ALK: variants seen among roughly 807,000 people sequenced by gnomAD.
ALK encodes ALK tyrosine kinase receptor.
In ALK, 74 loss-of-function variants were observed where a neutral mutation model predicts 163.1. The observed-to-expected ratio is 0.45, with a 90% CI of 0.38 to 0.55. ALK has a LOEUF of 0.55. Ranked by LOEUF, ALK falls within the 20% of genes least tolerant of loss-of-function variation. ALK has a pLI of 0.00. For synonymous variants in ALK, 960 were observed against 843.2 expected, an observed-to-expected ratio of 1.14 and a Z score of -2.40; for missense variants, 2,063 against 2,105.3, an observed-to-expected ratio of 0.98 and a Z score of 0.39.
At chr2:29,661,392 A>G (rs17008434) in intron 3 of ALK, among the ~76,000 whole-genome samples, 1,975 of 152,096 alleles carry the variant, frequency 0.013, 39 homozygotes, top group African/African-American at 0.046. Context: ...ATGATTGTCA[A>G]CTCCAGGACT....
At chr2:29,396,114 G>T (rs1030333524) in intron 4 of ALK, among the ~76,000 whole-genome samples, 1 of 152,174 alleles carries the variant, frequency 6.6e-6, no homozygotes, top group Admixed American at 6.5e-5. Flanking sequence ...GAAGGTAATT[G>T]TCAGAGGCTT....
chr2:29,842,805 A>T (rs1437226238), intron 1 of ALK, among the ~76,000 whole-genome samples: 2 of 152,166 alleles, frequency 1.3e-5, no homozygotes, highest in Non-Finnish European at 2.9e-5. Context: ...CTGCGCAAAC[A>T]TCCATTCCAG....
chr2:29,567,696 C>T (rs1197156456), intron 3 of ALK, among the ~76,000 whole-genome samples: 3 of 152,166 alleles, frequency 2.0e-5, no homozygotes, highest in Admixed American at 6.5e-5. Context: ...CACGTTTCCA[C>T]TCTCCAAGAG....
chr2:29,739,799 G>A (rs1037530293), intron 1 of ALK, among the ~76,000 whole-genome samples: 1 of 152,028 alleles, frequency 6.6e-6, no homozygotes, highest in African/African-American at 2.4e-5. Context: ...GTTTCAATGT[G>A]AGTTCACTCC....
chr2:29,270,204 A>G (rs1042430769), intron 11 of ALK, among the ~76,000 whole-genome samples: 1 of 152,218 alleles, frequency 6.6e-6, no homozygotes, highest in African/African-American at 2.4e-5. Context: ...CTTTATCACA[A>G]CTTTGACCTT....
intron 1 of ALK, among the ~76,000 whole-genome samples, chr2:29,751,195 T>G (rs936068878): frequency 2.8e-5 from 4 of 144,872 alleles, no homozygotes; most frequent in Admixed American, 6.9e-5. Context: ...GACTGAAAGT[T>G]GCTTTGGGTG....
intron 1 of ALK, among the ~76,000 whole-genome samples, chr2:29,734,522 T>C (rs1046611016): frequency 9.2e-5 from 14 of 151,982 alleles, no homozygotes; most frequent in African/African-American, 3.4e-4. Flanking sequence ...ATGGTCAGTC[T>C]AGGGATAGTA....
intron 4 of ALK, among the ~76,000 whole-genome samples, chr2:29,510,852 G>GAA (rs1232766208): frequency 1.3e-5 from 2 of 152,118 alleles, no homozygotes; most frequent in East Asian, 3.9e-4. Flanking sequence ...TCATGAGGAA[G>GAA]GTGATTCGTG....
chr2:29,301,910 G>A (rs1270190627), intron 8 of ALK, among the ~76,000 whole-genome samples: 1 of 152,218 alleles, frequency 6.6e-6, no homozygotes, highest in Non-Finnish European at 1.5e-5. Flanking sequence ...CCTGGGATTA[G>A]TCCTTAAGGG....
rs191753772 is a variant in ALK at position 29,487,729 on chromosome 2, C to A, written c.1154+44186G>T. ...TTCAATGCCTGCTATGTATCAGTCA[C>A]CTTACTAAGTATTAAACATTACTTC... On this transcript the variant is annotated intron_variant, in intron 4 of 28. Coordinates refer to ENST00000389048, the MANE Select transcript of ALK (RefSeq NM_004304.5). Among the ~76,000 whole-genome samples the A allele has an allele frequency of 2.4e-3, 372 of 152,248 alleles. 3 individuals carry two copies. Among genetic ancestry groups the A allele is most frequent in the African/African-American group, 8.5e-3 (355 of 41,562 alleles).
intron 3 of ALK, among the ~76,000 whole-genome samples, chr2:29,625,078 C>A (rs1292337681): frequency 6.6e-6 from 1 of 152,132 alleles, no homozygotes; most frequent in Non-Finnish European, 1.5e-5. Context: ...GTCAGAGGGG[C>A]ACTGTGTCCA....
At chr2:29,539,612 G>A (rs977890179) in intron 3 of ALK, among the ~76,000 whole-genome samples, 1 of 151,796 alleles carries the variant, frequency 6.6e-6, no homozygotes, top group African/African-American at 2.4e-5. Flanking sequence ...TTGAGCACAG[G>A]GTAGATCATA....
At chr2:29,259,942 A>G (rs1180149591) in intron 11 of ALK, among the ~76,000 whole-genome samples, 1 of 152,102 alleles carries the variant, frequency 6.6e-6, no homozygotes, top group Non-Finnish European at 1.5e-5. Flanking sequence ...TACTTTGGGC[A>G]CCTAAGCAAA....
chr2:29,783,028 T>C (rs1020093616), intron 1 of ALK, among the ~76,000 whole-genome samples: 5 of 152,248 alleles, frequency 3.3e-5, no homozygotes, highest in South Asian at 2.1e-4. Context: ...TGTTGTGTTC[T>C]GTTTCTAGGC....
intron 3 of ALK, among the ~76,000 whole-genome samples, chr2:29,605,491 G>A (rs1449247949): frequency 1.3e-5 from 2 of 152,332 alleles, no homozygotes; most frequent in African/African-American, 4.8e-5. Context: ...GATAGCATTT[G>A]GAGGCGGGGC....
rs1054851798 is a variant in ALK, at chr2:29,246,615, C to T, written c.2204+4490G>A. 3.9e-5 allele frequency among the ~76,000 whole-genome samples: 6 copies of T among 152,152 alleles called. No individual in the cohort carries two copies. Among genetic ancestry groups the T allele is most frequent in the East Asian group, 1.9e-4 (1 of 5,190 alleles). On this transcript the variant is annotated intron_variant, in intron 12 of 28. Transcript: ENST00000389048. This position sits in a 1 kb window ranked among gnomAD's most constrained non-coding sequence, Gnocchi z 4.3. Reference sequence around the variant, plus strand: ...GAGAGTGGCTGCGCTCCTTTGTCCTCGCTTCCTCAGTCCATGCCAGAGCGT... The same window carrying T: ...GAGAGTGGCTGCGCTCCTTTGTCCTTGCTTCCTCAGTCCATGCCAGAGCGT...
At chr2:29,270,611 T>A (rs1331284800) in intron 11 of ALK, among the ~76,000 whole-genome samples, 1 of 152,114 alleles carries the variant, frequency 6.6e-6, no homozygotes, top group East Asian at 1.9e-4. Flanking sequence ...GGCCCAAGAA[T>A]CTGCATTTTT....
intron 8 of ALK, among the ~76,000 whole-genome samples, chr2:29,303,679 A>G (rs1558661424): frequency 6.6e-6 from 1 of 152,246 alleles, no homozygotes; most frequent in Non-Finnish European, 1.5e-5. Context: ...TGGTACATAT[A>G]TACCATGGAA....
intron 4 of ALK, among the ~76,000 whole-genome samples, chr2:29,516,430 G>A (rs1027043968): frequency 7.9e-5 from 12 of 152,310 alleles, no homozygotes; most frequent in Admixed American, 7.2e-4. Context: ...GAACGAAGGG[G>A]GTCCACTGGG....
Sources: allele counts gnomAD v4.1 joint callset (sites outside exome capture counted in the v4.1 genomes callset), GRCh38; gene constraint gnomAD v4.1.1; non-coding constraint Gnocchi (gnomAD v3.1); transcripts MANE v1.5; gene names NCBI Gene and HGNC (gene_info 2026-07-23, HGNC 2026-07-21).